The following MET variants were observed in gnomAD, a reference collection of about 807,000 sequenced individuals.
MET encodes MET proto-oncogene, receptor tyrosine kinase, also known as hepatocyte growth factor receptor.
Under a neutral mutation model 133.1 loss-of-function variants are expected in MET, and 48 were observed. That is an observed-to-expected ratio of 0.36 (90% CI 0.29 to 0.46). The LOEUF is 0.46. Ranked by LOEUF, MET falls within the 20% of genes least tolerant of loss-of-function variation. The probability of loss-of-function intolerance (pLI) is 1.00; values close to 1 mark genes in which losing one functional copy is unlikely to be tolerated. For missense variants in MET, 1,442 were observed against 1,695.9 expected (o/e 0.85, Z 2.63); for synonymous variants, 628 against 616.5 (o/e 1.02, Z -0.28).
chr7:116,713,117 C>T (rs1433555166), intron 2 of MET, among the ~76,000 whole-genome samples: 1 of 152,128 alleles, frequency 6.6e-6, no homozygotes, highest in Admixed American at 6.5e-5. Context: ...GAAAAGAGGC[C>T]GGGCGCGGTG....
Position 116,699,808 on chromosome 7 carries a change from A to G in MET, c.724A>G (p.Arg242Gly), listed in dbSNP as rs904275312. 1 of 1,614,134 alleles carries G rather than the reference A, an allele frequency of 6.2e-7. No individual in the cohort carries two copies. Among genetic ancestry groups the G allele is most frequent in the South Asian group, 1.1e-5 (1 of 91,086 alleles). ...CTACATTGATGTTTTACCTGAGTTCAGAGATTCTTACCCCATTAAGTATGT... is the reference window on the plus strand; with the variant it reads ...CTACATTGATGTTTTACCTGAGTTCGGAGATTCTTACCCCATTAAGTATGT... ...QSYIDVLPEF[R>G]DSYPIKYVHA... Residue 242 changes from arginine (R) to glycine (G), a missense_variant, in exon 2 of 21, where the codon AGA (arginine) becomes GGA (glycine). Arg to Gly is a moderately radical substitution (Grantham distance 125). This residue lies in a region of MET where 762 missense variants were observed against 792.4 expected (regional missense o/e 0.96). Coordinates refer to ENST00000397752, the MANE Select transcript of MET (RefSeq NM_000245.4).
chr7:116,759,368 A>G lies in MET; in HGVS notation c.2265-23A>G, dbSNP rs750004615. The G allele has an allele frequency of 1.2e-5, 19 of 1,609,482 alleles. No individual in the cohort carries two copies. The highest frequency in any genetic ancestry group is 1.7e-5 in the Admixed American group (1 of 59,460). ...GTGGAAAGAACCTCTCAACATTGTCAGTTTTCTATTTTGCTTTGCCAGTGG... is the reference window on the plus strand; with the variant it reads ...GTGGAAAGAACCTCTCAACATTGTCGGTTTTCTATTTTGCTTTGCCAGTGG... On this transcript the variant is annotated intron_variant, in intron 9 of 20. Coordinates refer to ENST00000397752, the MANE Select transcript of MET (RefSeq NM_000245.4).
chr7:116,787,072 G>T (rs903318335), intron 19 of MET, among the ~76,000 whole-genome samples: 8 of 152,188 alleles, frequency 5.3e-5, no homozygotes, highest in Admixed American at 5.2e-4. Context: ...CATAGGTCAT[G>T]GTGGAGGACC....
At chr7:116,784,918 G>C (rs1424447851) in intron 19 of MET, among the ~76,000 whole-genome samples, 1 of 152,158 alleles carries the variant, frequency 6.6e-6, no homozygotes, top group African/African-American at 2.4e-5. Flanking sequence ...CAAGTTAGTT[G>C]CTTACAAGAT....
intron 5 of MET, among the ~76,000 whole-genome samples, chr7:116,741,452 A>C (rs558889725): frequency 6.6e-6 from 1 of 152,164 alleles, no homozygotes; most frequent in Non-Finnish European, 1.5e-5. Context: ...CCCAGACATG[A>C]GCCTCCATCA....
In MET at chr7:116,740,967, C is replaced by G. The variant is rs767715328; in HGVS notation, c.1643C>G (p.Ser548Trp). Residue 548 changes from serine (S) to tryptophan (W), a missense_variant, in exon 5 of 21, where the codon TCG (serine) becomes TGG (tryptophan). Ser to Trp is a radical substitution (Grantham distance 177). Coordinates refer to ENST00000397752, the MANE Select transcript of MET (RefSeq NM_000245.4). ...CGWCHDKCVR[S>W]EECLSGTWTQ... is the part of the protein sequence containing the mutation. The stretch of plus-strand genomic sequence containing the variant: ...TGGTGCCACGACAAATGTGTGCGAT[C>G]GGAGGAATGCCTGAGCGGGACATGG... 1 of 1,613,812 alleles carries G rather than the reference C, an allele frequency of 6.2e-7. No individual in the cohort carries two copies. Among genetic ancestry groups the G allele is most frequent in the Non-Finnish European group, 8.5e-7 (1 of 1,179,978 alleles).
intron 17 of MET, among the ~76,000 whole-genome samples, chr7:116,779,934 A>G (rs1382821546): frequency 6.6e-6 from 1 of 152,188 alleles, no homozygotes; most frequent in Non-Finnish European, 1.5e-5. Flanking sequence ...ATAATAAACA[A>G]ATAAACAATA....
chr7:116,724,648 C>G (rs1584906052), intron 2 of MET: 1 of 447,418 alleles, frequency 2.2e-6, no homozygotes, highest in East Asian at 7.0e-5. Context: ...TGACAGCAGA[C>G]TGATAACAGT....
rs1341442063 is a variant in MET at position 116,764,884 on chromosome 7, G to C, written c.2583+1616G>C. Among the ~76,000 whole-genome samples, 3 of 152,112 alleles carry C rather than the reference G, an allele frequency of 2.0e-5. 1 individual carries two copies. In the East Asian group the frequency reaches 5.8e-4, roughly 29 times the overall value. On this transcript the variant is annotated intron_variant, in intron 11 of 20. Transcript: ENST00000397752. ...TTCAGGGAGATTATTTTAGTATCAT[G>C]GTTCAATATTTTTTCATACTTCATT...
intron 1 of MET, among the ~76,000 whole-genome samples, chr7:116,694,252 T>G (rs755709342): frequency 1.3e-5 from 2 of 152,124 alleles, no homozygotes; most frequent in Non-Finnish European, 2.9e-5. Flanking sequence ...AAATGGGGCG[T>G]TTTTGGTGAT....
intron 3 of MET, among the ~76,000 whole-genome samples, chr7:116,737,220 C>A (rs1165121714): frequency 6.6e-6 from 1 of 152,222 alleles, no homozygotes; most frequent in Non-Finnish European, 1.5e-5. Flanking sequence ...GCAAGCAACA[C>A]TCATGCTAAC....
At chr7:116,733,262 T>C (rs1793089401) in intron 3 of MET, among the ~76,000 whole-genome samples, 1 of 152,100 alleles carries the variant, frequency 6.6e-6, no homozygotes, top group Admixed American at 6.6e-5. Context: ...ATTGCAAAAA[T>C]ACAAAGAAGG....
chr7:116,766,573 C>A (rs190417625), intron 11 of MET, among the ~76,000 whole-genome samples: 58 of 152,270 alleles, frequency 3.8e-4, no homozygotes, highest in African/African-American at 1.3e-3. Context: ...TCAGTCAAAA[C>A]CACCATGAAC....
chr7:116,747,201 G>A (rs1425485583), intron 5 of MET, among the ~76,000 whole-genome samples: 1 of 152,158 alleles, frequency 6.6e-6, no homozygotes, highest in East Asian at 1.9e-4. Flanking sequence ...AAATTGTAAA[G>A]ACCATTGACA....
rs2116591375 is a variant in MET at position 116,699,620 on chromosome 7, C to A, written c.536C>A (p.Ala179Asp). 1.2e-6 allele frequency: 2 copies of A among 1,613,938 alleles called. No individual in the cohort carries two copies. Among genetic ancestry groups the A allele is most frequent in the Non-Finnish European group, 1.7e-6 (2 of 1,179,938 alleles). Residue 179 changes from alanine to aspartate, a missense_variant, in exon 2 of 21, where the codon GCC becomes GAC. Coordinates refer to ENST00000397752, the MANE Select transcript of MET (RefSeq NM_000245.4). ...PSQCPDCVVS[A>D]LGAKVLSSVK... is the part of the protein sequence containing the mutation. ...CAGTGTCCTGACTGTGTGGTGAGCGCCCTGGGAGCCAAAGTCCTTTCATCT... is the reference window on the plus strand; with the variant it reads ...CAGTGTCCTGACTGTGTGGTGAGCGACCTGGGAGCCAAAGTCCTTTCATCT...
At position 116,769,055 on chromosome 7, in the gene MET, A is replaced by G. The variant is rs376433266; in HGVS notation, c.2584-590A>G. 1.9e-4 allele frequency among the ~76,000 whole-genome samples: 29 copies of G among 152,350 alleles called. No homozygotes were observed. In the East Asian group the frequency reaches 4.6e-3, roughly 24 times the overall value. On this transcript the variant is annotated intron_variant, in intron 11 of 20. Transcript: ENST00000397752. Reference sequence around the variant, plus strand: ...TAAAATGAATTCACTTATGTATAGGACTCAAGTGTGCAAGAAGGATGAAAG... The same window carrying G: ...TAAAATGAATTCACTTATGTATAGGGCTCAAGTGTGCAAGAAGGATGAAAG...
chr7:116,771,368 C>A, intron 12 of MET, 130 bp from the exon 13 acceptor site: 1 of 1,030,844 alleles, frequency 9.7e-7, no homozygotes, highest in Non-Finnish European at 1.5e-6. Flanking sequence ...TCTTATTATC[C>A]TGAAGGCAGT....
intron 6 of MET, 150 bp downstream of exon 6, chr7:116,755,665 T>C: frequency 2.0e-6 from 2 of 993,016 alleles, no homozygotes; most frequent in Non-Finnish European, 3.0e-6. Flanking sequence ...TGTTCTGTTT[T>C]GTTCTTGTAA....
chr7:116,755,404 G>A lies in MET; in HGVS notation c.1751G>A (p.Cys584Tyr). The change falls in exon 6 of 21, where the codon TGT (cysteine) becomes TAT (tyrosine). Residue 584 changes from cysteine (C) to tyrosine (Y), a missense_variant. This residue lies in a region of MET where 762 missense variants were observed against 792.4 expected (regional missense o/e 0.96). Transcript: ENST00000397752. ...GAAGGAGGGACAAGGCTGACCATAT[G>A]TGGCTGGGACTTTGGATTTCGGAGG... ...PLEGGTRLTI[C>Y]GWDFGFRRNN... The A allele has an allele frequency of 6.2e-7, 1 of 1,614,140 alleles. No homozygotes were observed. The highest frequency in any genetic ancestry group is 8.5e-7 in the Non-Finnish European group (1 of 1,180,014).
Sources: allele counts gnomAD v4.1 joint callset (sites outside exome capture counted in the v4.1 genomes callset), GRCh38; gene constraint gnomAD v4.1.1; regional missense constraint gnomAD v4.1.1; transcripts MANE v1.5; gene names NCBI Gene and HGNC (gene_info 2026-07-23, HGNC 2026-07-21).